SIK2: variants seen among roughly 807,000 people sequenced by gnomAD.
SIK2 encodes serine/threonine-protein kinase SIK2.
SIK2 carries 29 observed loss-of-function variants against 103.2 expected under a neutral mutation model. That is an observed-to-expected ratio of 0.28 (90% CI 0.21 to 0.38). SIK2 has a LOEUF of 0.38. Among genes scored for constraint, SIK2 ranks in the 10% least tolerant of loss-of-function variants. The pLI, the probability that SIK2 is intolerant of heterozygous loss-of-function variation, is 1.00. For synonymous variants in SIK2, 412 were observed against 446.1 expected (o/e 0.92, Z 0.96); for missense variants, 879 against 1,171.0 (o/e 0.75, Z 3.64).
At chr11:111,664,700 AC>A (rs1942512435) in intron 3 of SIK2, among the ~76,000 whole-genome samples, 2 of 101,886 alleles carry the variant, frequency 2.0e-5, no homozygotes, top group Non-Finnish European at 4.0e-5. Flanking sequence ...CACCCCCCCC[AC>A]ACACACACCT....
In SIK2 at chr11:111,726,774, G is replaced by A. The variant is rs1192698442; in HGVS notation, c.*2645G>A. On this transcript the variant is annotated 3_prime_UTR_variant, in exon 15 of 15. Coordinates refer to ENST00000304987, the MANE Select transcript of SIK2 (RefSeq NM_015191.3). ...TTCTGCGGGGCTACTCTGAAGTACT[G>A]ACTTGCTTTCCAGTCTGATTCACGT... 1.7e-6 allele frequency: 1 copy of A among 596,288 alleles called. No individual in the cohort carries two copies. The highest frequency in any genetic ancestry group is 3.0e-6 in the Non-Finnish European group (1 of 333,010). 36.9% of individuals were successfully genotyped at this position (596,288 alleles called of 1,614,324 possible).
chr11:111,637,290 A>C (rs1233425589), intron 3 of SIK2, among the ~76,000 whole-genome samples: 1 of 151,410 alleles, frequency 6.6e-6, no homozygotes, highest in Non-Finnish European at 1.5e-5. Context: ...CTCTTTTTTC[A>C]ACTTCTTAAG....
Position 111,724,575 on chromosome 11 carries a change from AG to A in SIK2, c.*448del, listed in dbSNP as rs2135982827. 1 of 164,000 alleles carries A rather than the reference AG, an allele frequency of 6.1e-6. No individual in the cohort carries two copies. Among genetic ancestry groups the A allele is most frequent in the Admixed American group, 5.8e-5 (1 of 17,302 alleles). The allele number at this position is 164,000 out of a possible 1,614,324, so 10.2% of individuals were successfully genotyped here. ...AGCTGAGCAACCACATATTGCTACAAGGCAAATCAAGAAGACATCAGGAAAT... is the reference window on the plus strand; with the variant it reads ...AGCTGAGCAACCACATATTGCTACAAGCAAATCAAGAAGACATCAGGAAAT... On this transcript the variant is annotated 3_prime_UTR_variant, in exon 15 of 15. Coordinates refer to ENST00000304987, the MANE Select transcript of SIK2 (RefSeq NM_015191.3).
chr11:111,705,958 AC>A lies in SIK2; in HGVS notation c.1101+821del, dbSNP rs1309851500. Among the ~76,000 whole-genome samples, 1 of 152,238 alleles carries A rather than the reference AC, an allele frequency of 6.6e-6. No individual in the cohort carries two copies. The highest frequency in any genetic ancestry group is 1.5e-5 in the Non-Finnish European group (1 of 68,038). ...TAGAAAAGAAGGGGCAAGTATAAGA[AC>A]CATCTTAGAGGTAGACTCTGTATGA... On this transcript the variant is annotated intron_variant, in intron 8 of 14. Transcript: ENST00000304987. This position sits in a 1 kb window ranked among gnomAD's most constrained non-coding sequence, Gnocchi z 4.3.
Position 111,687,906 on chromosome 11 carries a change from G to GA in SIK2, c.317-87dup, listed in dbSNP as rs535815339. 5.7e-4 allele frequency: 809 copies of GA among 1,415,808 alleles called. 4 individuals carry two copies. Among genetic ancestry groups the GA allele is most frequent in the Middle Eastern group, 8.2e-4 (4 of 4,904 alleles). The allele number at this position is 1,415,808 out of a possible 1,614,324, so 87.7% of individuals were successfully genotyped here. On this transcript the variant is annotated intron_variant, in intron 3 of 14. Coordinates refer to ENST00000304987, the MANE Select transcript of SIK2 (RefSeq NM_015191.3). ...AGGCATGAGCCACTGCTCCTGGCCA[G>GA]AAAAAAAACTTTTTGAGGAAAAAAA...
intron 4 of SIK2, among the ~76,000 whole-genome samples, chr11:111,694,551 AC>A (rs1943025902): frequency 1.3e-5 from 2 of 152,188 alleles, no homozygotes; most frequent in South Asian, 4.1e-4. Context: ...GTCCCCTAGA[AC>A]TGAAAAAGGG....
Position 111,647,651 on chromosome 11 carries a change from G to A in SIK2, c.316+27249G>A, listed in dbSNP as rs145588329. On this transcript the variant is annotated intron_variant, in intron 3 of 14. Transcript: ENST00000304987. ...GAGGCTGAGGCAGGTAGATCACGAG[G>A]TCAGGAGATCGAGACCATCCTGGCT... 6.5e-3 allele frequency among the ~76,000 whole-genome samples: 979 copies of A among 151,078 alleles called. 10 individuals carry two copies. Among genetic ancestry groups the A allele is most frequent in the African/African-American group, 0.022 (912 of 41,172 alleles).
intron 3 of SIK2, among the ~76,000 whole-genome samples, chr11:111,677,681 A>G (rs776620072): frequency 6.9e-6 from 1 of 144,880 alleles, no homozygotes; most frequent in Non-Finnish European, 1.5e-5. Context: ...TGCCCACCTC[A>G]GCCTCCCAAA....
Position 111,703,226 on chromosome 11 carries a change from A to T in SIK2, c.751A>T (p.Met251Leu). The change falls in exon 7 of 15, where the codon ATG (methionine) becomes TTG (leucine). Residue 251 changes from methionine to leucine, a missense_variant. Physicochemically the swap from Met to Leu is conservative, Grantham distance 15. Around this residue, in one of 7 missense-constraint regions of SIK2, gnomAD observed 99 missense variants for 153.9 expected, o/e 0.64. Coordinates refer to ENST00000304987, the MANE Select transcript of SIK2 (RefSeq NM_015191.3). ...AGATTGCGAGCACCTTATCCGAAGG[A>T]TGTTGGTCCTAGACCCATCCAAACG... ...SEDCEHLIRR[M>L]LVLDPSKRLT... 1 of 1,614,150 alleles carries T rather than the reference A, an allele frequency of 6.2e-7. No individual in the cohort carries two copies. The highest frequency in any genetic ancestry group is 8.5e-7 in the Non-Finnish European group (1 of 1,180,010).
At chr11:111,713,676 G>C (rs556670662) in intron 9 of SIK2, among the ~76,000 whole-genome samples, 48 of 152,234 alleles carry the variant, frequency 3.2e-4, no homozygotes, top group African/African-American at 1.1e-3. Flanking sequence ...ATTGATAAAA[G>C]ATAAAATATG....
At chr11:111,617,477 G>A (rs745946461) in intron 2 of SIK2, among the ~76,000 whole-genome samples, 7 of 152,162 alleles carry the variant, frequency 4.6e-5, no homozygotes, top group African/African-American at 7.2e-5. Context: ...CGCCTGTACC[G>A]GCTCGTTGAG....
chr11:111,692,148 C>T (rs1388313584), intron 4 of SIK2, among the ~76,000 whole-genome samples: 1 of 151,284 alleles, frequency 6.6e-6, no homozygotes, highest in Non-Finnish European at 1.5e-5. Flanking sequence ...CTCAGGAGTT[C>T]GAGACCAGCC....
rs566512857 is a variant in SIK2 at position 111,609,044 on chromosome 11, TTTG to T, written c.135+6349_135+6351del. Reference sequence around the variant, plus strand: ...TTAATTAACAAATACATGTTTACATTTTGTTACTTCAATTTGCATTTCTTTAAT... The same window carrying T: ...TTAATTAACAAATACATGTTTACATTTTACTTCAATTTGCATTTCTTTAAT... On this transcript the variant is annotated intron_variant, in intron 1 of 14. Coordinates refer to ENST00000304987, the MANE Select transcript of SIK2 (RefSeq NM_015191.3). Among the ~76,000 whole-genome samples, 229 of 151,780 alleles carry T rather than the reference TTTG, an allele frequency of 1.5e-3. No individual in the cohort carries two copies. In the Middle Eastern group the frequency reaches 0.024, roughly 16 times the overall value.
Position 111,688,704 on chromosome 11 carries a change from GTTGT to G in SIK2, c.478+543_478+546del, listed in dbSNP as rs1942881755. On this transcript the variant is annotated intron_variant, in intron 4 of 14. Transcript: ENST00000304987. The surrounding 1 kb of genome is among the most constrained non-coding windows in gnomAD (Gnocchi z 4.2). ...CTGTTTTTCTCCTTGCCTTTTCACA[GTTGT>G]AAAATGTTTTATTTTATATTCTCAG... 6.6e-6 allele frequency among the ~76,000 whole-genome samples: 1 copy of G among 152,172 alleles called. No individual in the cohort carries two copies. Among genetic ancestry groups the G allele is most frequent in the Admixed American group, 6.5e-5 (1 of 15,282 alleles).
chr11:111,723,636 A>G lies in SIK2; in HGVS notation c.2288A>G (p.Gln763Arg). ...CGCCAGGAGACTCCACCGCCTTCTCAGCAGGCCCCACCGTTCAGCCTGACC... is the reference window on the plus strand; with the variant it reads ...CGCCAGGAGACTCCACCGCCTTCTCGGCAGGCCCCACCGTTCAGCCTGACC... ...LPRQETPPPS[Q>R]QAPPFSLTQP... Residue 763 changes from glutamine to arginine, a missense_variant, in exon 15 of 15, where the codon CAG becomes CGG. Around this residue, in one of 7 missense-constraint regions of SIK2, gnomAD observed 375 missense variants for 416.3 expected, o/e 0.90. Coordinates refer to ENST00000304987, the MANE Select transcript of SIK2 (RefSeq NM_015191.3). The G allele has an allele frequency of 6.2e-7, 1 of 1,614,102 alleles. No individual in the cohort carries two copies. Among genetic ancestry groups the G allele is most frequent in the Non-Finnish European group, 8.5e-7 (1 of 1,180,018 alleles).
chr11:111,678,574 T>C (rs1942736818), intron 3 of SIK2, among the ~76,000 whole-genome samples: 1 of 152,210 alleles, frequency 6.6e-6, no homozygotes, highest in African/African-American at 2.4e-5. Flanking sequence ...ACTGAGATAT[T>C]TAGGGTGCTT....
intron 1 of SIK2, among the ~76,000 whole-genome samples, chr11:111,613,917 G>A (rs1941765067): frequency 6.6e-6 from 1 of 152,084 alleles, no homozygotes; most frequent in Non-Finnish European, 1.5e-5. Context: ...AATAGAGAAA[G>A]GTGAGAAGTA....
rs370173327 is a variant in SIK2 at position 111,610,363 on chromosome 11, G to A, written c.136-5880G>A. Among the ~76,000 whole-genome samples the A allele has an allele frequency of 5.9e-5, 9 of 151,952 alleles. No individual in the cohort carries two copies. The East Asian group carries it at 1.3e-3, about 23-fold the overall frequency. ...AAATTAGCCTGGCGTGGTGGTGCAT[G>A]CCTGTAATCCCAGCTACTTGGGAGG... On this transcript the variant is annotated intron_variant, in intron 1 of 14. Coordinates refer to ENST00000304987, the MANE Select transcript of SIK2 (RefSeq NM_015191.3).
chr11:111,689,518 G>GT (rs909642712), intron 4 of SIK2, among the ~76,000 whole-genome samples: 1 of 152,142 alleles, frequency 6.6e-6, no homozygotes, highest in Non-Finnish European at 1.5e-5. Context: ...TTTGACTTGG[G>GT]TTTTGAAGAG....
Sources: allele counts gnomAD v4.1 joint callset (sites outside exome capture counted in the v4.1 genomes callset), GRCh38; gene constraint gnomAD v4.1.1; regional missense constraint gnomAD v4.1.1; non-coding constraint Gnocchi (gnomAD v3.1); transcripts MANE v1.5; gene names NCBI Gene and HGNC (gene_info 2026-07-23, HGNC 2026-07-21).